HEATR6: variants seen among roughly 807,000 people sequenced by gnomAD.
HEATR6 encodes HEAT repeat-containing protein 6.
In HEATR6, 106 loss-of-function variants were observed where a neutral mutation model predicts 132.8. The ratio of observed to expected loss-of-function variants is 0.80; its 90% CI spans 0.68 to 0.94. The LOEUF (loss-of-function observed/expected upper bound fraction) is 0.94. Ranked by LOEUF, HEATR6 falls within the 40% of genes least tolerant of loss-of-function variation. The pLI is 0.00. For missense variants in HEATR6, 1,339 were observed against 1,425.1 expected, an observed-to-expected ratio of 0.94 and a Z score of 0.97; for synonymous variants, 529 against 537.8, an observed-to-expected ratio of 0.98 and a Z score of 0.23.
At chr17:60,070,140 T>A (rs564798151) in intron 6 of HEATR6, among the ~76,000 whole-genome samples, 1 of 152,348 alleles carries the variant, frequency 6.6e-6, no homozygotes, top group South Asian at 2.1e-4. Flanking sequence ...ATCCAATTAC[T>A]TTATCTGTCT....
intron 19 of HEATR6, 97 bp downstream of exon 19, chr17:60,045,928 A>T: frequency 2.1e-6 from 2 of 938,618 alleles, no homozygotes; most frequent in Admixed American, 4.4e-5. Flanking sequence ...TCCTAATACT[A>T]TGACAAATAA....
intron 14 of HEATR6, among the ~76,000 whole-genome samples, chr17:60,051,435 G>C (rs1906572968): frequency 6.6e-6 from 1 of 152,230 alleles, no homozygotes; most frequent in South Asian, 2.1e-4. Flanking sequence ...TTGCTAATCT[G>C]CAGCAGGGGT....
intron 14 of HEATR6, among the ~76,000 whole-genome samples, chr17:60,052,277 C>A (rs1233906953): frequency 6.6e-6 from 1 of 152,240 alleles, no homozygotes; most frequent in African/African-American, 2.4e-5. Context: ...ATCCCAACCT[C>A]ATGTGAGAAC....
chr17:60,049,885 A>T (rs1906522151), intron 15 of HEATR6, among the ~76,000 whole-genome samples, 183 bp from the exon 16 acceptor site: 2 of 152,222 alleles, frequency 1.3e-5, no homozygotes, highest in Admixed American at 1.3e-4. Flanking sequence ...CTGAGCACCC[A>T]CTTTGTGCAA....
In HEATR6 at chr17:60,067,701, T is replaced by C. The variant is rs767386846; in HGVS notation, c.971A>G (p.Lys324Arg). 4 of 1,613,578 alleles carry C rather than the reference T, an allele frequency of 2.5e-6. No homozygotes were observed. The highest frequency in any genetic ancestry group is 1.1e-5 in the South Asian group (1 of 90,970). ...NKKKKSKVKPKKIQQGEEEEK... is the reference protein window; with the variant it reads ...NKKKKSKVKPRKIQQGEEEEK... ...CTCCTCCTCTCCTTGCTGGATTTTC[T>C]TTGGTTTTACTTTGGATTTTTTCTT... is the stretch of plus-strand genomic sequence containing the variant. The change falls in exon 8 of 20, where the codon AAG becomes AGG. Residue 324 changes from lysine (K) to arginine (R), a missense_variant. By Grantham distance (26) the Lys-to-Arg change is conservative. Transcript: ENST00000184956.
chr17:60,073,475 T>C (rs1405074987), intron 3 of HEATR6, among the ~76,000 whole-genome samples, 196 bp from the exon 4 acceptor site: 1 of 152,194 alleles, frequency 6.6e-6, no homozygotes, highest in Admixed American at 6.5e-5. Flanking sequence ...CCAGCCTAGG[T>C]AGCTGCTGAT....
Position 60,049,644 on chromosome 17 carries a change from C to G in HEATR6, c.2483G>C (p.Arg828Pro). 1 of 1,613,846 alleles carries G rather than the reference C, an allele frequency of 6.2e-7. No homozygotes were observed. Among genetic ancestry groups the G allele is most frequent in the Non-Finnish European group, 8.5e-7 (1 of 1,179,802 alleles). ...CCGTGAAGTTGCAGCTTTCACTAAGCGATTCTTGCTGTCATTCAGCCCGAG... is the reference window on the plus strand; with the variant it reads ...CCGTGAAGTTGCAGCTTTCACTAAGGGATTCTTGCTGTCATTCAGCCCGAG... Reference protein sequence around the residue: ...VLLGLNDSKNRLVKAATSRAL... With the variant: ...VLLGLNDSKNPLVKAATSRAL... The change falls in exon 16 of 20, where the codon CGC (arginine) becomes CCC (proline). Residue 828 changes from arginine to proline, a missense_variant. Arg to Pro is a moderately radical substitution (Grantham distance 103, BLOSUM62 -2). Coordinates refer to ENST00000184956, the MANE Select transcript of HEATR6 (RefSeq NM_022070.5).
chr17:60,045,814 G>A (rs1211534020), intron 19 of HEATR6, among the ~76,000 whole-genome samples: 1 of 152,116 alleles, frequency 6.6e-6, no homozygotes, highest in Non-Finnish European at 1.5e-5. Context: ...ATTCTTGTAA[G>A]TAATTTTAAA....
chr17:60,051,471 G>A (rs1906574337), intron 14 of HEATR6, among the ~76,000 whole-genome samples: 1 of 152,232 alleles, frequency 6.6e-6, no homozygotes, highest in Non-Finnish European at 1.5e-5. Context: ...TCAGTTGACA[G>A]TCGGCTAGGG....
intron 1 of HEATR6, among the ~76,000 whole-genome samples, chr17:60,077,724 T>C (rs1176610128): frequency 6.6e-6 from 1 of 152,224 alleles, no homozygotes; most frequent in Non-Finnish European, 1.5e-5. Flanking sequence ...AAGATCATTC[T>C]GGCATTGGAG....
At chr17:60,048,411 G>T in intron 16 of HEATR6, 23 bp from the exon 17 acceptor site, 1 of 1,591,908 alleles carries the variant, frequency 6.3e-7, no homozygotes. Flanking sequence ...ACAAAACACT[G>T]CAGTTACTTT....
At chr17:60,066,028 C>G (rs1346237412) in intron 9 of HEATR6, among the ~76,000 whole-genome samples, 181 bp downstream of exon 9, 1 of 152,232 alleles carries the variant, frequency 6.6e-6, no homozygotes, top group Non-Finnish European at 1.5e-5. Flanking sequence ...CATGATCAGC[C>G]TCAGTGTATT....
intron 1 of HEATR6, 74 bp from the exon 2 acceptor site, chr17:60,076,311 GA>G: frequency 1.4e-6 from 1 of 724,622 alleles, no homozygotes; most frequent in African/African-American, 1.8e-5. Context: ...AGCCAAATGG[GA>G]AAATAAAAGT....
intron 14 of HEATR6, among the ~76,000 whole-genome samples, chr17:60,055,286 A>T (rs1226144656): frequency 6.6e-6 from 1 of 152,216 alleles, no homozygotes; most frequent in Non-Finnish European, 1.5e-5. Flanking sequence ...TATTAGTTTT[A>T]CTATTGCTGG....
rs1488332378 is a variant in HEATR6, at chr17:60,059,588, G to A, written c.1624-67C>T. The A allele has an allele frequency of 4.5e-6, 5 of 1,099,612 alleles. No individual in the cohort carries two copies. In the East Asian group the frequency reaches 1.2e-4, roughly 27 times the overall value. 68.1% of individuals were successfully genotyped at this position (1,099,612 alleles called of 1,614,324 possible). On this transcript the variant is annotated intron_variant, in intron 10 of 19. Coordinates refer to ENST00000184956, the MANE Select transcript of HEATR6 (RefSeq NM_022070.5). ...ACCACAGCATAGAACAAATTTTGCA[G>A]CATTTAATTAAAAAAGAAAAGTTTT...
chr17:60,043,500 C>T lies in HEATR6; in HGVS notation c.*63G>A. 1 of 1,298,276 alleles carries T rather than the reference C, an allele frequency of 7.7e-7. No individual in the cohort carries two copies. Among genetic ancestry groups the T allele is most frequent in the Non-Finnish European group, 1.1e-6 (1 of 922,746 alleles). 80.4% of individuals were successfully genotyped at this position (1,298,276 alleles called of 1,614,324 possible). On this transcript the variant is annotated 3_prime_UTR_variant, in exon 20 of 20. Coordinates refer to ENST00000184956, the MANE Select transcript of HEATR6 (RefSeq NM_022070.5). ...GCCCCTAAGATGAAATCCCACAGAT[C>T]TTATGCTCAAGCTCAGGTCTTCCTA...
In HEATR6 at chr17:60,061,730, C is replaced by T. The variant is rs369461572; in HGVS notation, c.1417-1634G>A. Among the ~76,000 whole-genome samples the T allele has an allele frequency of 5.3e-5, 8 of 152,324 alleles. No homozygotes were observed. In the South Asian group the frequency reaches 1.4e-3, roughly 28 times the overall value. On this transcript the variant is annotated intron_variant, in intron 9 of 19. Coordinates refer to ENST00000184956, the MANE Select transcript of HEATR6 (RefSeq NM_022070.5). The stretch of plus-strand genomic sequence containing the variant: ...TTAAAACCATTTAAAAGTGTAAAAA[C>T]CATTCTTAGCTAACAGGCTGTACAA...
At chr17:60,075,753 A>G (rs903272388) in intron 2 of HEATR6, 2 of 152,568 alleles carry the variant, frequency 1.3e-5, no homozygotes, top group African/African-American at 4.8e-5. Flanking sequence ...CTGAGGCAGA[A>G]GAATGGTGTA....
In HEATR6 at chr17:60,043,423, A is replaced by T; in HGVS notation, c.*140T>A. 1 of 777,108 alleles carries T rather than the reference A, an allele frequency of 1.3e-6. No homozygotes were observed. The allele number at this position is 777,108 out of a possible 1,614,324, so 48.1% of individuals were successfully genotyped here. The stretch of plus-strand genomic sequence containing the variant: ...CAAAGGTGGTTGAGCCCTCTGTGAA[A>T]ATTTAAATGGCTGCTAAGTCATTCT... On this transcript the variant is annotated 3_prime_UTR_variant, in exon 20 of 20. Transcript: ENST00000184956.
Sources: allele counts gnomAD v4.1 joint callset (sites outside exome capture counted in the v4.1 genomes callset), GRCh38; gene constraint gnomAD v4.1.1; transcripts MANE v1.5; gene names NCBI Gene and HGNC (gene_info 2026-07-23, HGNC 2026-07-21).